Variants in LRRC4C observed in about 807,000 individuals in gnomAD.
LRRC4C encodes the protein leucine-rich repeat-containing protein 4C.
In LRRC4C, 5 loss-of-function variants were observed where a neutral mutation model predicts 33.6. The observed-to-expected ratio is 0.15, with a 90% CI of 0.08 to 0.31. The LOEUF (loss-of-function observed/expected upper bound fraction) is 0.31. Among genes scored for constraint, LRRC4C ranks in the 10% least tolerant of loss-of-function variants. LRRC4C has a pLI of 1.00. For synonymous variants in LRRC4C, 329 were observed against 302.0 expected (o/e 1.09, Z -0.93); for missense variants, 560 against 796.7 (o/e 0.70, Z 3.58).
intron 4 of LRRC4C, among the ~76,000 whole-genome samples, chr11:40,307,028 T>A (rs1945073880): frequency 6.6e-6 from 1 of 152,062 alleles, no homozygotes; most frequent in African/African-American, 2.4e-5. Flanking sequence ...TATCTATCTA[T>A]CTATATACAA....
At chr11:41,021,946 T>C (rs1856012323) in intron 1 of LRRC4C, among the ~76,000 whole-genome samples, 2 of 151,962 alleles carry the variant, frequency 1.3e-5, no homozygotes, top group Non-Finnish European at 1.5e-5. Context: ...ATACTTTGCA[T>C]TGAAATTTTT....
At chr11:41,401,104 A>T (rs906865832) in intron 1 of LRRC4C, among the ~76,000 whole-genome samples, 15 of 152,070 alleles carry the variant, frequency 9.9e-5, no homozygotes, top group African/African-American at 3.1e-4. Flanking sequence ...TTAGAAGGAA[A>T]TGGAATTCAG....
intron 5 of LRRC4C, among the ~76,000 whole-genome samples, chr11:40,203,116 C>A (rs1297230615): frequency 6.6e-6 from 1 of 152,130 alleles, no homozygotes; most frequent in Admixed American, 6.5e-5. Flanking sequence ...AAGCCTTGCA[C>A]AGACTCTATT....
intron 3 of LRRC4C, among the ~76,000 whole-genome samples, chr11:40,415,553 C>A (rs191352935): frequency 1.2e-4 from 19 of 152,144 alleles, no homozygotes; most frequent in African/African-American, 4.3e-4. Flanking sequence ...GGTAAACTAG[C>A]GTACTGATGG....
rs1263121352 is a variant in LRRC4C at position 40,886,056 on chromosome 11, G to A, written c.-407+47579C>T. ...CAGAAAATGAGAGAAATTGTCAGTG[G>A]CACCTTGCTCCTTCTGTAAACTTGG... On this transcript the variant is annotated intron_variant, in intron 2 of 6. Transcript: ENST00000528697. 5.9e-5 allele frequency among the ~76,000 whole-genome samples: 9 copies of A among 152,004 alleles called. No individual in the cohort carries two copies. The East Asian group carries it at 1.3e-3, about 23-fold the overall frequency.
intron 3 of LRRC4C, among the ~76,000 whole-genome samples, chr11:40,344,784 CT>C (rs1315409291): frequency 6.6e-6 from 1 of 152,124 alleles, no homozygotes; most frequent in Non-Finnish European, 1.5e-5. Context: ...GCTCCTTGAT[CT>C]GATGAACAAC....
At chr11:40,773,778 T>G (rs1390705925) in intron 2 of LRRC4C, among the ~76,000 whole-genome samples, 1 of 152,074 alleles carries the variant, frequency 6.6e-6, no homozygotes, top group Non-Finnish European at 1.5e-5. Context: ...CAACTATATG[T>G]GGGCTATAAT....
chr11:40,440,865 A>ATT (rs1157671461), intron 3 of LRRC4C, among the ~76,000 whole-genome samples: 2 of 14,830 alleles, frequency 1.3e-4, no homozygotes, highest in Admixed American at 2.3e-3. Flanking sequence ...GCCAGTAGGG[A>ATT]ATTTTTTTTT....
At chr11:41,107,477 G>A (rs908601431) in intron 1 of LRRC4C, among the ~76,000 whole-genome samples, 14 of 151,888 alleles carry the variant, frequency 9.2e-5, no homozygotes, top group African/African-American at 3.4e-4. Flanking sequence ...CCTTTAAGGA[G>A]TATTTATGTT....
intron 3 of LRRC4C, among the ~76,000 whole-genome samples, chr11:40,451,366 CTTTTTTTTTTTTTTTTTTTTTTT>C (rs71060962): frequency 1.1e-4 from 5 of 47,088 alleles, no homozygotes; most frequent in Admixed American, 7.2e-4. Flanking sequence ...GAAATAATGA[CTTTTTTTTTTTTTTTTTTTTTTT>C]TTTTTTTTTT....
intron 1 of LRRC4C, among the ~76,000 whole-genome samples, chr11:41,297,863 A>G (rs1276558293): frequency 6.6e-6 from 1 of 152,198 alleles, no homozygotes; most frequent in African/African-American, 2.4e-5. Context: ...GAAATAACAG[A>G]TGATTGACAG....
chr11:40,167,800 T>C (rs1239674871), intron 5 of LRRC4C, among the ~76,000 whole-genome samples: 1 of 152,086 alleles, frequency 6.6e-6, no homozygotes, highest in African/African-American at 2.4e-5. Flanking sequence ...ATCCCAGCAC[T>C]TTGGGAGGCC....
intron 2 of LRRC4C, among the ~76,000 whole-genome samples, chr11:40,853,805 G>A (rs61886576): frequency 0.039 from 5,969 of 152,230 alleles, 241 homozygotes; most frequent in African/African-American, 0.1. Context: ...GTCAGTTGCC[G>A]TGATAGCAAA....
intron 1 of LRRC4C, among the ~76,000 whole-genome samples, chr11:41,038,093 C>G (rs1187705665): frequency 6.6e-6 from 1 of 152,156 alleles, no homozygotes; most frequent in Non-Finnish European, 1.5e-5. Context: ...GGAATCCCAG[C>G]CAGCTGCCAT....
At chr11:41,167,764 G>A (rs1238040756) in intron 1 of LRRC4C, among the ~76,000 whole-genome samples, 1 of 152,106 alleles carries the variant, frequency 6.6e-6, no homozygotes, top group Non-Finnish European at 1.5e-5. Context: ...AAAATCATGA[G>A]CCTCACACTC....
At chr11:41,210,318 G>T (rs964185583) in intron 1 of LRRC4C, among the ~76,000 whole-genome samples, 1 of 152,054 alleles carries the variant, frequency 6.6e-6, no homozygotes, top group East Asian at 1.9e-4. Context: ...TCATGGGGGC[G>T]GTTTTCCCCA....
rs184750995 is a variant in LRRC4C at position 40,822,702 on chromosome 11, T to C, written c.-407+110933A>G. Among the ~76,000 whole-genome samples the C allele has an allele frequency of 7.9e-5, 12 of 151,846 alleles. 1 individual carries two copies. The East Asian group carries it at 2.3e-3, about 29-fold the overall frequency. On this transcript the variant is annotated intron_variant, in intron 2 of 6. Coordinates refer to ENST00000528697, the MANE Select transcript of LRRC4C (RefSeq NM_001258419.2). Reference sequence around the variant, plus strand: ...TAATAGAATCCCATTTGTCTATTTTTATTTGTCTGTATCTTTGAGGTCTTA... The same window carrying C: ...TAATAGAATCCCATTTGTCTATTTTCATTTGTCTGTATCTTTGAGGTCTTA...
At chr11:40,843,655 T>G (rs543509968) in intron 2 of LRRC4C, among the ~76,000 whole-genome samples, 1 of 152,182 alleles carries the variant, frequency 6.6e-6, no homozygotes, top group Non-Finnish European at 1.5e-5. Flanking sequence ...AAAGCAACTA[T>G]GTTCAAAACA....
intron 1 of LRRC4C, among the ~76,000 whole-genome samples, chr11:41,115,993 T>C (rs947313052): frequency 1.3e-5 from 2 of 152,090 alleles, no homozygotes; most frequent in Non-Finnish European, 2.9e-5. Context: ...CCTTCCCCTT[T>C]CCACCATGAG....
Sources: gnomAD v4.1 joint callset for allele counts (sites outside exome capture counted in the v4.1 genomes callset) on GRCh38, gnomAD v4.1.1 for gene constraint, MANE v1.5 for transcripts, NCBI Gene and HGNC (gene_info 2026-07-23, HGNC 2026-07-21) for gene names.